Variants in MICU1 observed in about 807,000 individuals in gnomAD.
MICU1 encodes the protein mitochondrial calcium uptake 1.
A neutral mutation model predicts 56.8 loss-of-function variants in MICU1; 45 were observed. The observed-to-expected ratio is 0.79, with a 90% confidence interval of 0.62 to 1.02. The LOEUF is 1.02. Among genes scored for constraint, MICU1 ranks in the 50% least tolerant of loss-of-function variants. MICU1 has a pLI of 0.00. For missense variants in MICU1, 504 were observed against 587.1 expected (o/e 0.86, Z 1.46); for synonymous variants, 186 against 195.1 (o/e 0.95, Z 0.39).
chr10:72,536,641 G>A (rs563092726), intron 4 of MICU1, among the ~76,000 whole-genome samples: 6 of 152,122 alleles, frequency 3.9e-5, no homozygotes, highest in Non-Finnish European at 7.4e-5. Context: ...GTGAGCCACC[G>A]TGCCCAGACA....
At chr10:72,379,456 A>C (rs1862631369) in intron 10 of MICU1, 1 of 298,702 alleles carries the variant, frequency 3.3e-6, no homozygotes, top group Non-Finnish European at 6.8e-6. Flanking sequence ...TCTGCATTTC[A>C]CATCAACCTT....
At chr10:72,498,928 G>T (rs1162343140) in intron 6 of MICU1, among the ~76,000 whole-genome samples, 3 of 151,988 alleles carry the variant, frequency 2.0e-5, no homozygotes, top group Non-Finnish European at 4.4e-5. Context: ...GTATTAAAAG[G>T]GTAGGGCTCC....
At chr10:72,475,070 ATGG>A in intron 8 of MICU1, 27 bp downstream of exon 8, 1 of 1,580,326 alleles carries the variant, frequency 6.3e-7, no homozygotes, top group Non-Finnish European at 8.6e-7. Context: ...TCCACATGTG[ATGG>A]ATCTACTGAG....
At chr10:72,490,223 CTATGTATGTATGTA>C (rs1402821837) in intron 6 of MICU1, among the ~76,000 whole-genome samples, 2 of 152,004 alleles carry the variant, frequency 1.3e-5, no homozygotes, top group Non-Finnish European at 2.9e-5. Flanking sequence ...ATATATATGT[CTATGTATGTATGTA>C]TATGTATGTA....
chr10:72,544,159 C>A (rs147143892), intron 4 of MICU1, among the ~76,000 whole-genome samples: 2 of 152,114 alleles, frequency 1.3e-5, no homozygotes, highest in African/African-American at 4.8e-5. Flanking sequence ...ATGCAGCCCC[C>A]AGTCACGTAC....
At chr10:72,521,612 A>G (rs536157603) in intron 5 of MICU1, among the ~76,000 whole-genome samples, 1 of 152,214 alleles carries the variant, frequency 6.6e-6, no homozygotes, top group South Asian at 2.1e-4. Flanking sequence ...GAAGTCACAT[A>G]AGTAGCCAAA....
At chr10:72,449,564 C>T (rs1045015428) in intron 8 of MICU1, among the ~76,000 whole-genome samples, 2 of 152,126 alleles carry the variant, frequency 1.3e-5, no homozygotes, top group Non-Finnish European at 2.9e-5. Context: ...ACAGACAGAC[C>T]ATTAAGTCAG....
At chr10:72,497,258 C>A (rs1053422540) in intron 6 of MICU1, among the ~76,000 whole-genome samples, 15 of 151,892 alleles carry the variant, frequency 9.9e-5, no homozygotes, top group African/African-American at 3.4e-4. Context: ...TGGCGTTTCA[C>A]CATCTTGGCC....
At chr10:72,373,775 T>A (rs1317704161) in intron 11 of MICU1, among the ~76,000 whole-genome samples, 1 of 152,162 alleles carries the variant, frequency 6.6e-6, no homozygotes, top group African/African-American at 2.4e-5. Context: ...ATAATAAAAA[T>A]AAATGTTTTT....
chr10:72,511,920 C>A (rs1284180791), intron 5 of MICU1, among the ~76,000 whole-genome samples: 1 of 152,072 alleles, frequency 6.6e-6, no homozygotes. Context: ...TGAGGGCAGA[C>A]CGTCCCCATC....
intron 6 of MICU1, among the ~76,000 whole-genome samples, chr10:72,492,289 A>T (rs1452650701): frequency 6.6e-6 from 1 of 152,126 alleles, no homozygotes; most frequent in Non-Finnish European, 1.5e-5. Flanking sequence ...CTAGAAAAGC[A>T]AGGGGGAAAA....
chr10:72,603,535 C>T (rs144839538), intron 1 of MICU1, among the ~76,000 whole-genome samples: 2 of 151,892 alleles, frequency 1.3e-5, no homozygotes, highest in African/African-American at 2.4e-5. Flanking sequence ...ACATGTAAGT[C>T]GCCCAGGCAC....
At chr10:72,475,772 T>A in intron 7 of MICU1, 1 of 448,508 alleles carries the variant, frequency 2.2e-6, no homozygotes, top group Admixed American at 2.5e-5. Context: ...ATTTTATAAA[T>A]AAGATTGAAG....
chr10:72,531,231 C>A (rs531457526), intron 5 of MICU1, among the ~76,000 whole-genome samples: 1 of 152,150 alleles, frequency 6.6e-6, no homozygotes, highest in East Asian at 1.9e-4. Flanking sequence ...ATTTAAAAAT[C>A]AAAGCAAGTC....
At chr10:72,528,153 T>C (rs1158554608) in intron 5 of MICU1, among the ~76,000 whole-genome samples, 3 of 152,098 alleles carry the variant, frequency 2.0e-5, no homozygotes, top group Non-Finnish European at 4.4e-5. Flanking sequence ...ACCAAAAAAA[T>C]AAACCACTGA....
intron 3 of MICU1, among the ~76,000 whole-genome samples, chr10:72,561,077 C>T (rs777390789): frequency 3.3e-5 from 5 of 152,068 alleles, no homozygotes; most frequent in Non-Finnish European, 7.4e-5. Context: ...TATCCTTGAA[C>T]AGGGAAAAGA....
intron 9 of MICU1, among the ~76,000 whole-genome samples, chr10:72,411,331 C>CTT (rs1170548958): frequency 0.03 from 4,253 of 142,958 alleles, 201 homozygotes; most frequent in African/African-American, 0.1. Flanking sequence ...TTTTACTTTT[C>CTT]TTTTTTTTTT....
At chr10:72,409,882 C>T (rs1172543337) in intron 9 of MICU1, among the ~76,000 whole-genome samples, 1 of 152,116 alleles carries the variant, frequency 6.6e-6, no homozygotes. Context: ...TCATTTAGGT[C>T]AAGGAACAGA....
At chr10:72,515,921 G>T (rs1289264705) in intron 5 of MICU1, among the ~76,000 whole-genome samples, 1 of 152,102 alleles carries the variant, frequency 6.6e-6, no homozygotes. Context: ...GGTATCACTA[G>T]TATATACTTT....
Sources: gnomAD v4.1 joint callset for allele counts (sites outside exome capture counted in the v4.1 genomes callset) on GRCh38, gnomAD v4.1.1 for gene constraint, MANE v1.5 for transcripts, NCBI Gene and HGNC (gene_info 2026-07-23, HGNC 2026-07-21) for gene names.